Variants in R3HDM2 observed in about 807,000 individuals in gnomAD.
The protein encoded by R3HDM2 is R3H domain containing 2, also known as R3H domain-containing protein 2.
In R3HDM2, 38 loss-of-function variants were observed where a neutral mutation model predicts 124.5. The observed-to-expected ratio is 0.31, with a 90% CI of 0.24 to 0.40. The LOEUF (loss-of-function observed/expected upper bound fraction) is 0.40. R3HDM2 is among the 10% of genes least tolerant of loss of function. R3HDM2 has a pLI of 1.00. For synonymous variants in R3HDM2, 391 were observed against 448.0 expected, an observed-to-expected ratio of 0.87 and a Z score of 1.61; for missense variants, 869 against 1,236.9, an observed-to-expected ratio of 0.70 and a Z score of 4.46.
At chr12:57,363,524 A>C (rs1172628703) in intron 2 of R3HDM2, among the ~76,000 whole-genome samples, 1 of 152,202 alleles carries the variant, frequency 6.6e-6, no homozygotes, top group African/African-American at 2.4e-5. Flanking sequence ...ATACCACTGC[A>C]GCACAACTAT....
At chr12:57,309,298 C>T (rs2053424763) in intron 3 of R3HDM2, among the ~76,000 whole-genome samples, 1 of 152,156 alleles carries the variant, frequency 6.6e-6, no homozygotes, top group African/African-American at 2.4e-5. Context: ...CACCCCTGGG[C>T]ATGAAGGAAA....
At chr12:57,321,926 A>G (rs1362347415) in intron 2 of R3HDM2, among the ~76,000 whole-genome samples, 1 of 152,148 alleles carries the variant, frequency 6.6e-6, no homozygotes, top group Non-Finnish European at 1.5e-5. Flanking sequence ...GGGTGAATAC[A>G]ATTGTCAAAA....
chr12:57,370,464 A>C (rs1410863461), intron 2 of R3HDM2, among the ~76,000 whole-genome samples: 1 of 149,566 alleles, frequency 6.7e-6, no homozygotes, highest in African/African-American at 2.5e-5. Context: ...AACATGGAAA[A>C]ACCCCATCTC....
chr12:57,424,080 C>T (rs2070466193), intron 1 of R3HDM2, among the ~76,000 whole-genome samples: 1 of 132,466 alleles, frequency 7.5e-6, no homozygotes. Flanking sequence ...CGCCATTGCA[C>T]TCCAGCCTGG....
At chr12:57,390,200 A>G (rs2066455470) in intron 2 of R3HDM2, among the ~76,000 whole-genome samples, 1 of 152,044 alleles carries the variant, frequency 6.6e-6, no homozygotes, top group Admixed American at 6.6e-5. Flanking sequence ...AAAGAAAAAA[A>G]GAAAAAATAT....
At chr12:57,310,526 C>T (rs570172235) in intron 2 of R3HDM2, 63 bp from the exon 3 acceptor site, 3 of 889,862 alleles carry the variant, frequency 3.4e-6, no homozygotes, top group African/African-American at 3.5e-5. Context: ...ATACACAAGA[C>T]TCGTATTTCA....
intron 4 of R3HDM2, among the ~76,000 whole-genome samples, chr12:57,302,667 CA>C (rs756266164): frequency 0.029 from 1,148 of 39,774 alleles, 10 homozygotes; most frequent in African/African-American, 0.056. Flanking sequence ...AATTCCGTCT[CA>C]AAAAAAAAAA....
At chr12:57,375,290 A>G (rs970966797) in intron 2 of R3HDM2, among the ~76,000 whole-genome samples, 1 of 152,194 alleles carries the variant, frequency 6.6e-6, no homozygotes, top group Non-Finnish European at 1.5e-5. Flanking sequence ...ATCTCCCTAT[A>G]AAAGTATAAT....
In R3HDM2 at chr12:57,260,263, C is replaced by CAAAAAAAAAA. The variant is rs566868060; in HGVS notation, c.2132-1214_2132-1205dup. ...TGGGTGACAGAATGAGACCCTGCCTCAAAAAAAAAAAAAAAAAAAAAAGCC... is the reference window on the plus strand; with the variant it reads ...TGGGTGACAGAATGAGACCCTGCCTCAAAAAAAAAAAAAAAAAAAAAAAAAAAAAAAAGCC... On this transcript the variant is annotated intron_variant, in intron 19 of 23. Coordinates refer to ENST00000402412, the MANE Select transcript of R3HDM2 (RefSeq NM_001394031.1). 9.5e-4 allele frequency among the ~76,000 whole-genome samples: 30 copies of CAAAAAAAAAA among 31,554 alleles called. 4 individuals are homozygous for CAAAAAAAAAA. Among genetic ancestry groups the CAAAAAAAAAA allele is most frequent in the African/African-American group, 2.5e-3 (20 of 8,116 alleles). 20.7% of individuals were successfully genotyped at this position (31,554 alleles called of 152,430 possible).
intron 1 of R3HDM2, among the ~76,000 whole-genome samples, chr12:57,410,068 T>G (rs1465708356): frequency 6.6e-5 from 10 of 152,148 alleles, no homozygotes; most frequent in Non-Finnish European, 1.2e-4. Flanking sequence ...ATGTTTAGCA[T>G]TTTTTTCTAC....
At chr12:57,309,696 TAC>T (rs1169044196) in intron 3 of R3HDM2, among the ~76,000 whole-genome samples, 1 of 152,194 alleles carries the variant, frequency 6.6e-6, no homozygotes, top group Non-Finnish European at 1.5e-5. Flanking sequence ...TGCGTTTGTG[TAC>T]AGTTTATTTT....
At chr12:57,388,651 C>A (rs550633041) in intron 2 of R3HDM2, among the ~76,000 whole-genome samples, 2 of 152,086 alleles carry the variant, frequency 1.3e-5, no homozygotes, top group Non-Finnish European at 2.9e-5. Flanking sequence ...GTTATTTGCG[C>A]AGGAGGGCTA....
chr12:57,299,369 C>T lies in R3HDM2; in HGVS notation c.404G>A (p.Arg135Lys). ...CTCCTTACCTCTGGACAGCATCTTC[C>T]TTGGGATCTTTTCTTTGTTTTTGTC... is the stretch of plus-strand genomic sequence containing the variant. ...DKDKNKEKIP[R>K]KMLSRDSSQE... The change falls in exon 6 of 24, where the codon AGG becomes AAG. Residue 135 changes from arginine to lysine, a missense_variant. This residue lies in a region of R3HDM2 where 267 missense variants were observed against 447.7 expected (regional missense o/e 0.60). Coordinates refer to ENST00000402412, the MANE Select transcript of R3HDM2 (RefSeq NM_001394031.1). The T allele has an allele frequency of 6.5e-7, 1 of 1,549,644 alleles. No homozygotes were observed. Among genetic ancestry groups the T allele is most frequent in the Non-Finnish European group, 8.7e-7 (1 of 1,144,766 alleles).
chr12:57,342,531 AC>A (rs1455927071), intron 2 of R3HDM2, among the ~76,000 whole-genome samples: 1 of 151,652 alleles, frequency 6.6e-6, no homozygotes, highest in East Asian at 1.9e-4. Flanking sequence ...CTGTAAGAGC[AC>A]CCCCTCCCAC....
chr12:57,256,983 T>A (rs2039248602), intron 21 of R3HDM2, among the ~76,000 whole-genome samples: 6 of 151,494 alleles, frequency 4.0e-5, no homozygotes, highest in African/African-American at 1.2e-4. Context: ...GCCTGGCTAA[T>A]TTTTTTTTGT....
intron 2 of R3HDM2, among the ~76,000 whole-genome samples, chr12:57,322,254 T>C (rs1004303841): frequency 7.9e-5 from 12 of 152,152 alleles, no homozygotes; most frequent in Non-Finnish European, 1.3e-4. Flanking sequence ...ACAAAATGGT[T>C]AAGATCTGTG....
intron 3 of R3HDM2, among the ~76,000 whole-genome samples, chr12:57,309,837 G>C (rs1405284413): frequency 1.3e-5 from 2 of 152,204 alleles, no homozygotes; most frequent in Non-Finnish European, 2.9e-5. Context: ...TTTCTTTTGA[G>C]AGTTGAAGCT....
In R3HDM2 at chr12:57,269,773, C is replaced by T; in HGVS notation, c.1566G>A (p.Gly522=). ...TCACCTGTTGAGGGGGCTGCATGTACCCCTGGGGTGGCAGAACTTGCTGAG... is the reference window on the plus strand; with the variant it reads ...TCACCTGTTGAGGGGGCTGCATGTATCCCTGGGGTGGCAGAACTTGCTGAG... The part of the protein sequence containing the change: ...PPTQQVLPPQ[G]YMQPPQQIQV... The change falls in exon 15 of 24, where the codon GGG becomes GGA. Residue 522 remains glycine (G), a synonymous_variant. Coordinates refer to ENST00000402412, the MANE Select transcript of R3HDM2 (RefSeq NM_001394031.1). 1 of 1,614,094 alleles carries T rather than the reference C, an allele frequency of 6.2e-7. No individual in the cohort carries two copies. Among genetic ancestry groups the T allele is most frequent in the Non-Finnish European group, 8.5e-7 (1 of 1,180,024 alleles).
chr12:57,258,113 G>A lies in R3HDM2; in HGVS notation c.2326C>T (p.Pro776Ser). The change falls in exon 21 of 24, where the codon CCT becomes TCT. Residue 776 changes from proline (P) to serine (S), a missense_variant. By Grantham distance (74) the Pro-to-Ser change is moderately conservative. This residue lies in a region of R3HDM2 where 602 missense variants were observed against 789.2 expected (regional missense o/e 0.76). Transcript: ENST00000402412. The stretch of plus-strand genomic sequence containing the variant: ...GGAGACTGGGTAGGAGATGTGACAG[G>A]GCTGCTGCTCATTTGTGTGTTGGCC... ...PQANTQMSSS[P>S]VTSPTQSPAP... 1 of 1,574,158 alleles carries A rather than the reference G, an allele frequency of 6.4e-7. No individual in the cohort carries two copies. The highest frequency in any genetic ancestry group is 8.6e-7 in the Non-Finnish European group (1 of 1,157,506).
Sources: allele counts gnomAD v4.1 joint callset (sites outside exome capture counted in the v4.1 genomes callset), GRCh38; gene constraint gnomAD v4.1.1; regional missense constraint gnomAD v4.1.1; transcripts MANE v1.5; gene names NCBI Gene and HGNC (gene_info 2026-07-23, HGNC 2026-07-21).